CAMTA1: variants seen among roughly 807,000 people sequenced by gnomAD.
CAMTA1 encodes the protein calmodulin-binding transcription activator 1.
CAMTA1 carries 27 observed loss-of-function variants against 170.9 expected under a neutral mutation model. That is an observed-to-expected ratio of 0.16 (90% CI 0.12 to 0.22). CAMTA1 has a LOEUF of 0.22. Ranked by LOEUF, CAMTA1 falls within the 10% of genes least tolerant of loss-of-function variation. CAMTA1 has a pLI of 1.00. For synonymous variants in CAMTA1, 833 were observed against 891.5 expected (o/e 0.93, Z 1.17); for missense variants, 1,619 against 2,217.2 (o/e 0.73, Z 5.42).
rs558356893 is a variant in CAMTA1, at chr1:7,662,264, G to A, written c.805+398G>A. Among the ~76,000 whole-genome samples, 9 of 152,336 alleles carry A rather than the reference G, an allele frequency of 5.9e-5. No individual in the cohort carries two copies. In the South Asian group the frequency reaches 1.0e-3, roughly 18 times the overall value. On this transcript the variant is annotated intron_variant, in intron 8 of 22. Coordinates refer to ENST00000303635, the MANE Select transcript of CAMTA1 (RefSeq NM_015215.4). ...ACGTGCCCTGCGTCAGTGACACCAC[G>A]CAGGCGCAACCTCTTTCTTTAACCT...
intron 3 of CAMTA1, among the ~76,000 whole-genome samples, chr1:7,055,774 C>T (rs758493276): frequency 2.0e-5 from 3 of 152,218 alleles, no homozygotes; most frequent in African/African-American, 2.4e-5. Flanking sequence ...TTTTCTATCC[C>T]GGAGTTTACC....
At position 7,019,690 on chromosome 1, in the gene CAMTA1, A is replaced by G. The variant is rs146290369; in HGVS notation, c.235-71614A>G. 2.9e-3 allele frequency among the ~76,000 whole-genome samples: 447 copies of G among 152,364 alleles called. 3 individuals are homozygous for G. The highest frequency in any genetic ancestry group is 0.01 in the African/African-American group (417 of 41,594). Reference sequence around the variant, plus strand: ...GTTCTGCTGCTGAGCAAACTTGGTAAAAATGTTCATCGAGATGGAAAACAA... The same window carrying G: ...GTTCTGCTGCTGAGCAAACTTGGTAGAAATGTTCATCGAGATGGAAAACAA... On this transcript the variant is annotated intron_variant, in intron 3 of 22. Transcript: ENST00000303635.
intron 5 of CAMTA1, among the ~76,000 whole-genome samples, chr1:7,369,545 TAGGGTGCAGAC>T (rs2086272906): frequency 6.6e-6 from 1 of 151,650 alleles, no homozygotes. Context: ...ACACATGGGG[TAGGGTGCAGAC>T]AGGTTCTGGG....
At position 7,010,458 on chromosome 1, in the gene CAMTA1, G is replaced by A. The variant is rs553441142; in HGVS notation, c.235-80846G>A. Among the ~76,000 whole-genome samples the A allele has an allele frequency of 2.6e-5, 4 of 152,342 alleles. No homozygotes were observed. The highest frequency in any genetic ancestry group is 4.1e-4 in the South Asian group (2 of 4,822). ...GTCAGTCCTGAGGATGCCAGGAGACGCTTTCTGAACACAGTCTGCGTCCTT... is the reference window on the plus strand; with the variant it reads ...GTCAGTCCTGAGGATGCCAGGAGACACTTTCTGAACACAGTCTGCGTCCTT... On this transcript the variant is annotated intron_variant, in intron 3 of 22. Transcript: ENST00000303635. The surrounding 1 kb of genome is among the most constrained non-coding windows in gnomAD (Gnocchi z 4.4).
rs1557542866 is a variant in CAMTA1 at position 7,337,697 on chromosome 1, G to GTGGGCGGTGGGCCTCATCCAA, written c.438+88072_438+88073insGGGCGGTGGGCCTCATCCAAT. Among the ~76,000 whole-genome samples, 118 of 131,678 alleles carry GTGGGCGGTGGGCCTCATCCAA rather than the reference G, an allele frequency of 9.0e-4. 35 individuals are homozygous for GTGGGCGGTGGGCCTCATCCAA. The highest frequency in any genetic ancestry group is 3.4e-3 in the East Asian group (15 of 4,452). 86.4% of individuals were successfully genotyped at this position (131,678 alleles called of 152,430 possible). A position where few individuals can be genotyped will look rare whatever the true frequency, so the allele number is the denominator to read the frequency against. ...CAATGTGGGCGGTGGGCCTCATCCAGTCACAATGTGGGTGATGGGCCTCAT... is the reference window on the plus strand; with the variant it reads ...CAATGTGGGCGGTGGGCCTCATCCAGTGGGCGGTGGGCCTCATCCAATCACAATGTGGGTGATGGGCCTCAT... On this transcript the variant is annotated intron_variant, in intron 5 of 22. Transcript: ENST00000303635.
chr1:7,258,029 T>G (rs1449307964), intron 5 of CAMTA1, among the ~76,000 whole-genome samples: 1 of 152,190 alleles, frequency 6.6e-6, no homozygotes, highest in African/African-American at 2.4e-5. Flanking sequence ...CTGGGGACTT[T>G]CGTGCTCCCT....
intron 6 of CAMTA1, among the ~76,000 whole-genome samples, chr1:7,524,472 C>T (rs953856240): frequency 6.6e-6 from 1 of 152,136 alleles, no homozygotes. Flanking sequence ...GCTTTTACGT[C>T]TTTCTCCTGC....
chr1:7,511,813 G>T (rs908167280), intron 6 of CAMTA1, among the ~76,000 whole-genome samples: 4 of 152,218 alleles, frequency 2.6e-5, no homozygotes, highest in Non-Finnish European at 5.9e-5. Flanking sequence ...CTGTGGAGCT[G>T]GCGGCTTTCC....
intron 5 of CAMTA1, among the ~76,000 whole-genome samples, chr1:7,344,167 T>G (rs976636326): frequency 1.3e-5 from 2 of 152,234 alleles, no homozygotes; most frequent in Non-Finnish European, 2.9e-5. Context: ...ATGAGATGAT[T>G]GAGGGCTGGA....
At chr1:7,683,771 C>T (rs546771111) in intron 11 of CAMTA1, among the ~76,000 whole-genome samples, 3 of 152,356 alleles carry the variant, frequency 2.0e-5, no homozygotes, top group African/African-American at 7.2e-5. Flanking sequence ...TAACCCGTCT[C>T]TCGCTGTCTG....
intron 5 of CAMTA1, among the ~76,000 whole-genome samples, chr1:7,371,239 TTTTG>T (rs61520755): frequency 0.23 from 34,430 of 147,006 alleles, 4,792 homozygotes; most frequent in East Asian, 0.54. Context: ...ATGCTCTGGG[TTTTG>T]TTTGTTTGTT....
intron 4 of CAMTA1, among the ~76,000 whole-genome samples, chr1:7,129,492 C>CT (rs1299429724): frequency 6.6e-6 from 1 of 152,194 alleles, no homozygotes; most frequent in Non-Finnish European, 1.5e-5. Context: ...GACCAAGAGT[C>CT]TTATCCCAGG....
At chr1:7,135,725 A>G (rs1447798476) in intron 4 of CAMTA1, among the ~76,000 whole-genome samples, 1 of 152,058 alleles carries the variant, frequency 6.6e-6, no homozygotes, top group Non-Finnish European at 1.5e-5. Context: ...GCTCTCCCTC[A>G]TTCCTTGAAG....
intron 4 of CAMTA1, among the ~76,000 whole-genome samples, chr1:7,164,731 G>A (rs1382462468): frequency 1.3e-5 from 2 of 152,256 alleles, no homozygotes; most frequent in Non-Finnish European, 2.9e-5. Context: ...GTTTCAGCCA[G>A]TAAGGTTTGT....
rs546495849 is a variant in CAMTA1, at chr1:7,257,981, C to T, written c.438+8355C>T. On this transcript the variant is annotated intron_variant, in intron 5 of 22. Coordinates refer to ENST00000303635, the MANE Select transcript of CAMTA1 (RefSeq NM_015215.4). ...ACTGGCCATTGCTGAGGAGAAGACA[C>T]GCTAGCAGGTTGCTAGCAAAGCCAA... Among the ~76,000 whole-genome samples the T allele has an allele frequency of 2.9e-4, 44 of 152,286 alleles. No homozygotes were observed. The East Asian group carries it at 4.3e-3, about 15-fold the overall frequency.
intron 5 of CAMTA1, among the ~76,000 whole-genome samples, chr1:7,284,308 A>G (rs1672033164): frequency 2.0e-5 from 3 of 151,480 alleles, no homozygotes; most frequent in South Asian, 4.2e-4. Flanking sequence ...GGTTCAAGCA[A>G]TTCTCCTGCC....
chr1:6,952,102 C>A (rs977944810), intron 3 of CAMTA1, among the ~76,000 whole-genome samples: 1 of 152,136 alleles, frequency 6.6e-6, no homozygotes, highest in Non-Finnish European at 1.5e-5. Context: ...AGAAGGAAAA[C>A]AATACTGGGT....
At chr1:7,097,896 A>G (rs763066473) in intron 4 of CAMTA1, among the ~76,000 whole-genome samples, 1 of 152,206 alleles carries the variant, frequency 6.6e-6, no homozygotes, top group Non-Finnish European at 1.5e-5. Flanking sequence ...ACAGCGTTTC[A>G]GCTGGGGAAG....
chr1:7,739,456 G>A (rs1049045323), intron 16 of CAMTA1, among the ~76,000 whole-genome samples: 3 of 152,108 alleles, frequency 2.0e-5, no homozygotes, highest in Non-Finnish European at 4.4e-5. Context: ...GGAGTTGCCG[G>A]GGGCACCACT....
Sources: gnomAD v4.1 joint callset for allele counts (sites outside exome capture counted in the v4.1 genomes callset) on GRCh38, gnomAD v4.1.1 for gene constraint, Gnocchi (gnomAD v3.1) non-coding constraint, MANE v1.5 for transcripts, NCBI Gene and HGNC (gene_info 2026-07-23, HGNC 2026-07-21) for gene names.